The following AUTS2 variants were observed in gnomAD, a reference collection of about 807,000 sequenced individuals.
AUTS2 encodes activator of transcription and developmental regulator AUTS2.
A neutral mutation model predicts 112.4 loss-of-function variants in AUTS2; 17 were observed. The ratio of observed to expected loss-of-function variants is 0.15; its 90% CI spans 0.10 to 0.23. AUTS2 has a LOEUF of 0.23. AUTS2 is among the 10% of genes least tolerant of loss of function. AUTS2 has a pLI of 1.00. For synonymous variants in AUTS2, 751 were observed against 702.7 expected, an observed-to-expected ratio of 1.07 and a Z score of -1.09; for missense variants, 1,510 against 1,701.6, an observed-to-expected ratio of 0.89 and a Z score of 1.98.
chr7:69,697,233 G>A (rs879308961), intron 1 of AUTS2, among the ~76,000 whole-genome samples: 7 of 152,328 alleles, frequency 4.6e-5, no homozygotes, highest in South Asian at 2.1e-4. Flanking sequence ...ATCAGTTTTA[G>A]GATGTAGATC....
chr7:69,611,297 T>G (rs532852584), intron 1 of AUTS2, among the ~76,000 whole-genome samples: 7 of 152,170 alleles, frequency 4.6e-5, no homozygotes, highest in Non-Finnish European at 4.4e-5. Flanking sequence ...TGTGGTGTCT[T>G]AGAGCCACCT....
At position 70,163,358 on chromosome 7, in the gene AUTS2, GCA is replaced by G. The variant is rs1562753310; in HGVS notation, c.660+28788_660+28789del. Among the ~76,000 whole-genome samples, 100 of 24,960 alleles carry G rather than the reference GCA, an allele frequency of 4.0e-3. 1 individual carries two copies. The highest frequency in any genetic ancestry group is 0.022 in the Middle Eastern group (1 of 46). The allele number at this position is 24,960 out of a possible 152,430, so 16.4% of individuals were successfully genotyped here. A position where few individuals can be genotyped will look rare whatever the true frequency, so the allele number is the denominator to read the frequency against. On this transcript the variant is annotated intron_variant, in intron 4 of 18. Coordinates refer to ENST00000342771, the MANE Select transcript of AUTS2 (RefSeq NM_015570.4). ...GGTTGTGGTGGTGGGGGGGGGGGGG[GCA>G]GAGGGGGAGGGAGAAGGAGAGGGAG...
At chr7:69,982,842 C>G (rs1798353276) in intron 2 of AUTS2, among the ~76,000 whole-genome samples, 1 of 152,186 alleles carries the variant, frequency 6.6e-6, no homozygotes. Context: ...TGTTTAAGAG[C>G]TTCATTGCAG....
intron 4 of AUTS2, among the ~76,000 whole-genome samples, chr7:70,371,724 A>G (rs780635286): frequency 1.8e-4 from 28 of 152,178 alleles, no homozygotes; most frequent in Admixed American, 7.9e-4. Context: ...TTTATCTATT[A>G]TAAGACAGTA....
intron 5 of AUTS2, among the ~76,000 whole-genome samples, chr7:70,643,472 GC>G: frequency 6.6e-6 from 1 of 152,226 alleles, no homozygotes; most frequent in Non-Finnish European, 1.5e-5. Flanking sequence ...CCAGGAGGCT[GC>G]AGGAGGAGAA....
intron 2 of AUTS2, among the ~76,000 whole-genome samples, chr7:70,066,991 A>G (rs550806079): frequency 4.6e-5 from 7 of 152,344 alleles, no homozygotes; most frequent in Non-Finnish European, 7.3e-5. Context: ...ATCGAAGTCA[A>G]TGCACAGTCA....
At chr7:69,851,554 T>C (rs1792485587) in intron 1 of AUTS2, among the ~76,000 whole-genome samples, 1 of 152,202 alleles carries the variant, frequency 6.6e-6, no homozygotes, top group South Asian at 2.1e-4. Context: ...CTGGCCCATA[T>C]GTGAAATCTG....
intron 4 of AUTS2, among the ~76,000 whole-genome samples, chr7:70,194,330 A>C (rs1209478837): frequency 6.6e-5 from 10 of 152,182 alleles, no homozygotes; most frequent in African/African-American, 2.4e-4. Flanking sequence ...GAATCACTTG[A>C]ACCTGGGAGG....
chr7:70,425,244 C>A (rs1795384654), intron 4 of AUTS2, among the ~76,000 whole-genome samples: 1 of 152,190 alleles, frequency 6.6e-6, no homozygotes, highest in South Asian at 2.1e-4. Context: ...AAGAAAGATG[C>A]TTTTACTTTG....
chr7:70,208,033 A>C (rs1179602804), intron 4 of AUTS2, among the ~76,000 whole-genome samples: 1 of 150,840 alleles, frequency 6.6e-6, no homozygotes, highest in East Asian at 1.9e-4. Flanking sequence ...AAAAAAAAAA[A>C]ACCAACAAAA....
chr7:69,892,447 G>T lies in AUTS2; in HGVS notation c.310-6839G>T, dbSNP rs79123594. Among the ~76,000 whole-genome samples, 444 of 152,064 alleles carry T rather than the reference G, an allele frequency of 2.9e-3. 5 individuals carry two copies. Among genetic ancestry groups the T allele is most frequent in the African/African-American group, 0.01 (430 of 41,484 alleles). On this transcript the variant is annotated intron_variant, in intron 1 of 18. Transcript: ENST00000342771. ...GTGTGAGCCATCACACCTGGCCCAA[G>T]AATTTATTAAATTAATATATTCTGT... is the stretch of plus-strand genomic sequence containing the variant.
chr7:70,549,699 AT>A (rs1218859114), intron 5 of AUTS2, among the ~76,000 whole-genome samples: 1 of 152,210 alleles, frequency 6.6e-6, no homozygotes, highest in African/African-American at 2.4e-5. Flanking sequence ...CTCTTAAAAA[AT>A]TTTTTAAAAA....
intron 5 of AUTS2, among the ~76,000 whole-genome samples, chr7:70,613,750 T>C (rs77030020): frequency 6.6e-6 from 1 of 152,130 alleles, no homozygotes; most frequent in African/African-American, 2.4e-5. Context: ...GCAAGATCCA[T>C]AGATGCGAGA....
intron 4 of AUTS2, among the ~76,000 whole-genome samples, chr7:70,402,688 A>G (rs894748517): frequency 2.6e-5 from 4 of 152,154 alleles, no homozygotes; most frequent in Non-Finnish European, 5.9e-5. Flanking sequence ...TTGCTTCTTA[A>G]CTGTGTGACC....
chr7:70,659,770 G>A (rs1806972032), intron 5 of AUTS2, among the ~76,000 whole-genome samples: 1 of 152,144 alleles, frequency 6.6e-6, no homozygotes, highest in South Asian at 2.1e-4. Flanking sequence ...ATAGTGTAAT[G>A]TCAAATCGTG....
intron 5 of AUTS2, among the ~76,000 whole-genome samples, chr7:70,461,116 G>A (rs1023735477): frequency 2.6e-5 from 4 of 152,154 alleles, no homozygotes; most frequent in African/African-American, 4.8e-5. Flanking sequence ...AGGATGATGA[G>A]ATTTTTCTTT....
At chr7:70,734,905 G>A (rs549668796) in intron 6 of AUTS2, among the ~76,000 whole-genome samples, 7 of 151,982 alleles carry the variant, frequency 4.6e-5, no homozygotes, top group Non-Finnish European at 1.0e-4. Flanking sequence ...ATTCAGTATA[G>A]CAGTGTTGAA....
intron 4 of AUTS2, among the ~76,000 whole-genome samples, chr7:70,381,407 C>T (rs1442565723): frequency 6.6e-6 from 1 of 152,178 alleles, no homozygotes; most frequent in Non-Finnish European, 1.5e-5. Context: ...ACAAACTATA[C>T]TTCAAGGAAA....
At chr7:69,794,490 C>T (rs2129329719) in intron 1 of AUTS2, among the ~76,000 whole-genome samples, 2 of 152,252 alleles carry the variant, frequency 1.3e-5, no homozygotes, top group South Asian at 2.1e-4. Flanking sequence ...CGTTTTGTGC[C>T]TGATTCCACT....
Sources: allele counts gnomAD v4.1 joint callset (sites outside exome capture counted in the v4.1 genomes callset), GRCh38; gene constraint gnomAD v4.1.1; transcripts MANE v1.5; gene names NCBI Gene and HGNC (gene_info 2026-07-23, HGNC 2026-07-21).